KCND2: variants seen among roughly 807,000 people sequenced by gnomAD.
The protein encoded by KCND2 is potassium voltage-gated channel subfamily D member 2, also known as A-type voltage-gated potassium channel KCND2.
In KCND2, 16 loss-of-function variants were observed where a neutral mutation model predicts 54.4. The observed-to-expected ratio is 0.29, with a 90% CI of 0.20 to 0.45. The LOEUF is 0.45. Among genes scored for constraint, KCND2 ranks in the 20% least tolerant of loss-of-function variants. The pLI is 1.00. For synonymous variants in KCND2, 317 were observed against 310.7 expected, an observed-to-expected ratio of 1.02 and a Z score of -0.21; for missense variants, 486 against 824.2, an observed-to-expected ratio of 0.59 and a Z score of 5.02.
intron 1 of KCND2, among the ~76,000 whole-genome samples, chr7:120,712,233 A>G (rs1234286128): frequency 3.6e-5 from 2 of 55,272 alleles, no homozygotes; most frequent in Admixed American, 2.1e-4. Flanking sequence ...TGAATTTTGG[A>G]TATCTGAATT....
chr7:120,485,511 G>A (rs1033514296), intron 1 of KCND2, among the ~76,000 whole-genome samples: 1 of 152,130 alleles, frequency 6.6e-6, no homozygotes, highest in African/African-American at 2.4e-5. Flanking sequence ...TAAAAGTGTA[G>A]TCCTTGATTT....
At chr7:120,618,048 A>G (rs1793050958) in intron 1 of KCND2, among the ~76,000 whole-genome samples, 1 of 152,152 alleles carries the variant, frequency 6.6e-6, no homozygotes, top group African/African-American at 2.4e-5. Flanking sequence ...TCGAAAAGCT[A>G]CCTATTGAGT....
At chr7:120,512,155 AC>A (rs1199658203) in intron 1 of KCND2, among the ~76,000 whole-genome samples, 1 of 152,104 alleles carries the variant, frequency 6.6e-6, no homozygotes, top group Non-Finnish European at 1.5e-5. Flanking sequence ...GAACTCACCA[AC>A]CTTCAAAAGA....
chr7:120,336,033 A>G (rs35958132), intron 1 of KCND2, among the ~76,000 whole-genome samples: 6,046 of 152,282 alleles, frequency 0.04, 179 homozygotes, highest in Non-Finnish European at 0.06. Context: ...ACTCAAAACC[A>G]TAATTCCTAA....
chr7:120,554,019 A>G (rs755618867), intron 1 of KCND2, among the ~76,000 whole-genome samples: 1 of 152,212 alleles, frequency 6.6e-6, no homozygotes, highest in Non-Finnish European at 1.5e-5. Context: ...AAGGGCCTAT[A>G]TATTTAATGT....
At chr7:120,722,645 A>T (rs1792682987) in intron 1 of KCND2, among the ~76,000 whole-genome samples, 5 of 152,240 alleles carry the variant, frequency 3.3e-5, no homozygotes, top group Non-Finnish European at 5.9e-5. Flanking sequence ...TTTTAAAAGT[A>T]CAGTCAAAAA....
intron 1 of KCND2, among the ~76,000 whole-genome samples, chr7:120,404,785 A>ATTTG (rs113735576): frequency 1 from 152,196 of 152,242 alleles, 76,075 homozygotes; most frequent in Middle Eastern, 1. Flanking sequence ...ACCTTTGTGA[A>ATTTG]TTTGTCTTTT....
intron 1 of KCND2, among the ~76,000 whole-genome samples, chr7:120,411,190 C>T (rs1404614656): frequency 1.3e-5 from 2 of 151,902 alleles, no homozygotes; most frequent in East Asian, 3.9e-4. Flanking sequence ...TAATTTATCT[C>T]TATACATTTC....
At chr7:120,728,258 A>G (rs1422344672) in intron 1 of KCND2, among the ~76,000 whole-genome samples, 1 of 150,168 alleles carries the variant, frequency 6.7e-6, no homozygotes, top group African/African-American at 2.4e-5. Context: ...CTCTCATGAT[A>G]TATTCTCTTG....
intron 1 of KCND2, among the ~76,000 whole-genome samples, chr7:120,405,782 T>C (rs1455489967): frequency 1.3e-5 from 2 of 152,066 alleles, no homozygotes; most frequent in African/African-American, 4.8e-5. Flanking sequence ...AAAGGTAAAA[T>C]CATGACAGAT....
Position 120,559,042 on chromosome 7 carries a change from T to C in KCND2, c.1116-173861T>C, listed in dbSNP as rs79023655. ...CTGTGTGTGTATGTGTGTGTGTATG[T>C]GTACGTGCATGTATGTGCATTACTG... is the stretch of plus-strand genomic sequence containing the variant. On this transcript the variant is annotated intron_variant, in intron 1 of 5. Transcript: ENST00000331113. Among the ~76,000 whole-genome samples the C allele has an allele frequency of 7.7e-4, 117 of 151,998 alleles. 1 individual carries two copies. In the East Asian group the frequency reaches 0.022, roughly 29 times the overall value.
chr7:120,409,911 T>G (rs1801422363), intron 1 of KCND2, among the ~76,000 whole-genome samples: 1 of 151,918 alleles, frequency 6.6e-6, no homozygotes, highest in Non-Finnish European at 1.5e-5. Flanking sequence ...CAGTTTATCA[T>G]TTTTTGTTTC....
intron 1 of KCND2, among the ~76,000 whole-genome samples, chr7:120,413,898 T>C (rs145793564): frequency 6.7e-4 from 102 of 152,068 alleles, no homozygotes; most frequent in African/African-American, 2.0e-3. Context: ...ATGGCACTGT[T>C]TTAGTCCTTA....
chr7:120,403,482 ATTT>A (rs528759246), intron 1 of KCND2, among the ~76,000 whole-genome samples: 8 of 130,904 alleles, frequency 6.1e-5, no homozygotes, highest in East Asian at 2.2e-4. Context: ...GGCCCGGCTA[ATTT>A]TTTTTTTTTT....
At chr7:120,296,926 G>A (rs1799520551) in intron 1 of KCND2, among the ~76,000 whole-genome samples, 1 of 151,970 alleles carries the variant, frequency 6.6e-6, no homozygotes, top group African/African-American at 2.4e-5. Flanking sequence ...TTGTAGCTTT[G>A]ACATGAAAAG....
intron 1 of KCND2, among the ~76,000 whole-genome samples, chr7:120,348,611 G>T (rs1800358578): frequency 6.6e-6 from 1 of 152,088 alleles, no homozygotes; most frequent in Admixed American, 6.6e-5. Flanking sequence ...ATTACTCTAT[G>T]CTCTATGAAG....
chr7:120,729,162 T>C (rs1289504343), intron 1 of KCND2, among the ~76,000 whole-genome samples: 1 of 152,214 alleles, frequency 6.6e-6, no homozygotes, highest in Admixed American at 6.5e-5. Context: ...CAGTGAGATA[T>C]ATCCCATCCC....
chr7:120,552,646 G>A (rs1357231778), intron 1 of KCND2, among the ~76,000 whole-genome samples: 1 of 152,204 alleles, frequency 6.6e-6, no homozygotes, highest in Non-Finnish European at 1.5e-5. Context: ...TCCTCCTGGT[G>A]TCCTTGCATC....
intron 1 of KCND2, among the ~76,000 whole-genome samples, chr7:120,635,989 G>A (rs551752679): frequency 5.3e-4 from 81 of 152,080 alleles, no homozygotes; most frequent in African/African-American, 1.9e-3. Context: ...CTGAACTATG[G>A]GCCCTAAAGC....
Sources: allele counts gnomAD v4.1 joint callset (sites outside exome capture counted in the v4.1 genomes callset), GRCh38; gene constraint gnomAD v4.1.1; transcripts MANE v1.5; gene names NCBI Gene and HGNC (gene_info 2026-07-23, HGNC 2026-07-21).